Variants in STAU2 observed in about 807,000 individuals in gnomAD.
The protein encoded by STAU2 is staufen double-stranded RNA binding protein 2, also known as double-stranded RNA-binding protein Staufen homolog 2.
In STAU2, 20 loss-of-function variants were observed where a neutral mutation model predicts 65.9. The ratio of observed to expected loss-of-function variants is 0.30; its 90% CI spans 0.21 to 0.44. STAU2 has a LOEUF of 0.44. Among genes scored for constraint, STAU2 ranks in the 20% least tolerant of loss-of-function variants. The pLI is 1.00. For missense variants in STAU2, 558 were observed against 683.9 expected, an observed-to-expected ratio of 0.82 and a Z score of 2.05; for synonymous variants, 232 against 233.9, an observed-to-expected ratio of 0.99 and a Z score of 0.07.
intron 1 of STAU2, among the ~76,000 whole-genome samples, chr8:73,743,603 A>G (rs1807042824): frequency 6.6e-6 from 1 of 150,384 alleles, no homozygotes; most frequent in East Asian, 2.0e-4. Context: ...CCTCCTGAGT[A>G]GCTGCGATTA....
intron 1 of STAU2, 134 bp downstream of exon 1, chr8:73,746,649 G>A (rs938957652): frequency 2.5e-5 from 11 of 447,826 alleles, no homozygotes; most frequent in African/African-American, 1.9e-4. Flanking sequence ...CGGGGGAGGG[G>A]AGGCCGCGAA....
chr8:73,608,154 G>T (rs1812163884), intron 9 of STAU2, among the ~76,000 whole-genome samples: 1 of 152,134 alleles, frequency 6.6e-6, no homozygotes, highest in African/African-American at 2.4e-5. Flanking sequence ...TGATTAGACA[G>T]GTGTCTCTAA....
At chr8:73,675,370 T>TACACATAC (rs1554561439) in intron 5 of STAU2, 1 of 145,470 alleles carries the variant, frequency 6.9e-6, no homozygotes, top group South Asian at 2.2e-4. Context: ...CATACATGTA[T>TACACATAC]ACACACACAC....
chr8:73,742,963 CACTTA>C (rs1212021260), intron 1 of STAU2, among the ~76,000 whole-genome samples: 1 of 152,090 alleles, frequency 6.6e-6, no homozygotes, highest in Non-Finnish European at 1.5e-5. Context: ...AGGCAATTCT[CACTTA>C]AATGTCTTAT....
intron 4 of STAU2, among the ~76,000 whole-genome samples, chr8:73,691,757 C>T (rs1362362595): frequency 6.6e-6 from 1 of 152,054 alleles, no homozygotes; most frequent in Non-Finnish European, 1.5e-5. Context: ...CTCCCAAAAC[C>T]TTGTAATTTC....
At chr8:73,453,414 T>C (rs17291123) in intron 13 of STAU2, among the ~76,000 whole-genome samples, 2,402 of 152,356 alleles carry the variant, frequency 0.016, 42 homozygotes, top group Non-Finnish European at 0.026. Flanking sequence ...CATTTGATGT[T>C]ACAAACAATG....
At chr8:73,475,587 C>A (rs926944059) in intron 13 of STAU2, among the ~76,000 whole-genome samples, 1 of 152,032 alleles carries the variant, frequency 6.6e-6, no homozygotes, top group Non-Finnish European at 1.5e-5. Flanking sequence ...ATCTCCTGTA[C>A]GAAAGAAATC....
At chr8:73,694,687 CA>C (rs1819581281) in intron 4 of STAU2, among the ~76,000 whole-genome samples, 1 of 152,162 alleles carries the variant, frequency 6.6e-6, no homozygotes, top group Non-Finnish European at 1.5e-5. Context: ...TTCATATTGC[CA>C]AAAGAGGCAT....
chr8:73,651,005 GC>G (rs1815824497), intron 6 of STAU2, among the ~76,000 whole-genome samples: 1 of 152,206 alleles, frequency 6.6e-6, no homozygotes, highest in Admixed American at 6.5e-5. Flanking sequence ...GGCCAGCCCT[GC>G]CCGGCCATGC....
At chr8:73,677,946 T>C (rs893384971) in intron 5 of STAU2, among the ~76,000 whole-genome samples, 10 of 152,170 alleles carry the variant, frequency 6.6e-5, no homozygotes, top group African/African-American at 2.2e-4. Flanking sequence ...CCTCTAAATA[T>C]GGACTTGACC....
intron 13 of STAU2, among the ~76,000 whole-genome samples, chr8:73,427,159 C>T (rs879348498): frequency 3.9e-5 from 6 of 151,942 alleles, no homozygotes; most frequent in Non-Finnish European, 7.4e-5. Flanking sequence ...AACTCCCGAC[C>T]TCAGGTGACC....
intron 13 of STAU2, among the ~76,000 whole-genome samples, chr8:73,488,852 T>C (rs1034641376): frequency 1.3e-5 from 2 of 152,030 alleles, no homozygotes; most frequent in Admixed American, 1.3e-4. Context: ...CAATGCTTAA[T>C]AACTCATTGT....
chr8:73,532,994 T>C (rs985858516), intron 13 of STAU2, among the ~76,000 whole-genome samples: 1 of 152,218 alleles, frequency 6.6e-6, no homozygotes, highest in African/African-American at 2.4e-5. Flanking sequence ...CTACAATTCC[T>C]GTCTCCCTAA....
At chr8:73,482,453 G>C (rs1285473506) in intron 13 of STAU2, among the ~76,000 whole-genome samples, 1 of 152,062 alleles carries the variant, frequency 6.6e-6, no homozygotes, top group Non-Finnish European at 1.5e-5. Flanking sequence ...CCAAAGGAAG[G>C]AGAAGAAATC....
intron 10 of STAU2, among the ~76,000 whole-genome samples, chr8:73,602,734 A>C (rs1811723670): frequency 6.6e-6 from 1 of 151,914 alleles, no homozygotes; most frequent in Admixed American, 6.6e-5. Context: ...CCACCAAAAA[A>C]AAAAAAAAAC....
chr8:73,433,964 C>T (rs1395733723), intron 13 of STAU2, among the ~76,000 whole-genome samples: 6 of 151,822 alleles, frequency 4.0e-5, no homozygotes, highest in Admixed American at 1.3e-4. Context: ...ACGTCCTAAT[C>T]CTCAGAGCCT....
rs577602856 is a variant in STAU2, at chr8:73,465,561, C to T, written c.1531-42859G>A. Among the ~76,000 whole-genome samples, 55 of 152,286 alleles carry T rather than the reference C, an allele frequency of 3.6e-4. No homozygotes were observed. The South Asian group carries it at 0.011, about 31-fold the overall frequency. On this transcript the variant is annotated intron_variant, in intron 13 of 14. Coordinates refer to ENST00000524300, the MANE Select transcript of STAU2 (RefSeq NM_001164380.2). ...ATTTTTTGTTTGGGATGTTTAACTT[C>T]CCTCTTTGCTTTTATAGGAGAGTGT...
intron 13 of STAU2, among the ~76,000 whole-genome samples, chr8:73,537,014 C>A (rs1806225095): frequency 6.6e-6 from 1 of 152,120 alleles, no homozygotes; most frequent in African/African-American, 2.4e-5. Context: ...AAGTAGCCAT[C>A]ATAAAAATGT....
chr8:73,481,513 AAAC>A, intron 13 of STAU2, among the ~76,000 whole-genome samples: 10 of 87,958 alleles, frequency 1.1e-4, no homozygotes, highest in African/African-American at 1.9e-4. Flanking sequence ...AAAAACAAAA[AAAC>A]AAAAAAAAAA....
Sources: allele counts gnomAD v4.1 joint callset (sites outside exome capture counted in the v4.1 genomes callset), GRCh38; gene constraint gnomAD v4.1.1; transcripts MANE v1.5; gene names NCBI Gene and HGNC (gene_info 2026-07-23, HGNC 2026-07-21).